The following CTTNBP2 variants were observed in gnomAD, a reference collection of about 807,000 sequenced individuals.
CTTNBP2 encodes cortactin-binding protein 2.
A neutral mutation model predicts 156.9 loss-of-function variants in CTTNBP2; 108 were observed. That is an observed-to-expected ratio of 0.69 (90% CI 0.59 to 0.81). CTTNBP2 has a LOEUF of 0.81. CTTNBP2 is among the 30% of genes least tolerant of loss of function. The probability of loss-of-function intolerance (pLI) is 0.00; values close to 1 mark genes in which losing one functional copy is unlikely to be tolerated. For synonymous variants in CTTNBP2, 767 were observed against 751.8 expected (o/e 1.02, Z -0.33); for missense variants, 1,924 against 2,035.4 (o/e 0.95, Z 1.05).
At chr7:117,818,135 C>T (rs931211853) in intron 2 of CTTNBP2, among the ~76,000 whole-genome samples, 6 of 152,254 alleles carry the variant, frequency 3.9e-5, no homozygotes, top group African/African-American at 1.4e-4. Flanking sequence ...TTTGTACTTC[C>T]ATTATTACTG....
At chr7:117,868,621 GTCA>G (rs1273886966) in intron 1 of CTTNBP2, among the ~76,000 whole-genome samples, 15 of 152,278 alleles carry the variant, frequency 9.9e-5, no homozygotes, top group African/African-American at 2.9e-4. Flanking sequence ...CAATATCGAT[GTCA>G]TCATCATCGT....
chr7:117,797,567 T>C (rs1476548176), intron 3 of CTTNBP2, among the ~76,000 whole-genome samples: 1 of 151,894 alleles, frequency 6.6e-6, no homozygotes, highest in East Asian at 1.9e-4. Context: ...TCATAATAAA[T>C]GAGGGGAAGG....
chr7:117,719,332 G>A (rs910234301), intron 21 of CTTNBP2, among the ~76,000 whole-genome samples, 172 bp downstream of exon 21: 1 of 152,224 alleles, frequency 6.6e-6, no homozygotes, highest in African/African-American at 2.4e-5. Flanking sequence ...CTCCTTTATT[G>A]TATAAATGAT....
intron 2 of CTTNBP2, among the ~76,000 whole-genome samples, chr7:117,841,347 C>T (rs1461972329): frequency 6.6e-6 from 1 of 151,974 alleles, no homozygotes; most frequent in South Asian, 2.1e-4. Context: ...AACTCATGGA[C>T]TACTTGGTAG....
intron 2 of CTTNBP2, among the ~76,000 whole-genome samples, chr7:117,818,851 G>A (rs903902058): frequency 4.6e-5 from 7 of 152,112 alleles, no homozygotes; most frequent in Admixed American, 2.6e-4. Context: ...TAAAATTATG[G>A]CTAATATAAT....
intron 7 of CTTNBP2, 140 bp from the exon 8 acceptor site, chr7:117,777,905 T>A (rs1798195117): frequency 9.2e-6 from 7 of 759,946 alleles, no homozygotes; most frequent in Non-Finnish European, 1.5e-5. Context: ...CTGAACATTA[T>A]CACTGATGAG....
intron 2 of CTTNBP2, among the ~76,000 whole-genome samples, chr7:117,819,362 C>CTG: frequency 7.4e-6 from 1 of 135,924 alleles, no homozygotes; most frequent in Non-Finnish European, 1.5e-5. Flanking sequence ...CTCCTTCTCT[C>CTG]TCTCTCACAC....
intron 8 of CTTNBP2, among the ~76,000 whole-genome samples, chr7:117,775,678 G>A (rs1420767222): frequency 2.0e-5 from 3 of 151,602 alleles, no homozygotes; most frequent in Admixed American, 1.3e-4. Context: ...TTAAAGGAGT[G>A]GAGGCAGGTT....
At chr7:117,779,983 T>G (rs958047641) in intron 7 of CTTNBP2, among the ~76,000 whole-genome samples, 4 of 152,064 alleles carry the variant, frequency 2.6e-5, no homozygotes, top group African/African-American at 9.7e-5. Flanking sequence ...TGGTCTTGAA[T>G]TCCTGACCTC....
intron 12 of CTTNBP2, among the ~76,000 whole-genome samples, chr7:117,750,303 T>G (rs2116587919): frequency 6.6e-6 from 1 of 152,328 alleles, no homozygotes; most frequent in East Asian, 1.9e-4. Context: ...CTTCATTTGT[T>G]CTCAGACTGT....
intron 2 of CTTNBP2, among the ~76,000 whole-genome samples, chr7:117,825,657 A>G (rs1452839491): frequency 1.3e-5 from 2 of 152,208 alleles, no homozygotes; most frequent in Non-Finnish European, 2.9e-5. Flanking sequence ...CTTCAAAGTT[A>G]TGCAAACTTG....
intron 7 of CTTNBP2, among the ~76,000 whole-genome samples, chr7:117,778,387 A>T (rs751509167): frequency 6.6e-6 from 1 of 152,200 alleles, no homozygotes; most frequent in Non-Finnish European, 1.5e-5. Context: ...AAATGTTTCA[A>T]CTAAAATTAT....
Position 117,734,933 on chromosome 7 carries a change from G to A in CTTNBP2, c.3856C>T (p.Arg1286Ter), listed in dbSNP as rs561305383. 2.1e-5 allele frequency: 34 copies of A among 1,598,404 alleles called. No homozygotes were observed. Among genetic ancestry groups the A allele is most frequent in the East Asian group, 1.8e-4 (8 of 44,502 alleles). Residue 1286 changes from arginine (R) to a stop codon, truncating the protein, a stop_gained, in exon 16 of 23, where the codon CGA becomes TGA. Coordinates refer to ENST00000160373, the MANE Select transcript of CTTNBP2 (RefSeq NM_033427.3). LOFTEE classifies it high-confidence loss of function. The part of the protein sequence containing the change: ...PMQGLLQRFL[R>*]RKVVNKFKGQ... ...GTTACCTTATTCACAACTTTCCTTC[G>A]TAAGAACCTCTGCAGCAGTCCTTGC...
chr7:117,780,121 G>A (rs113752839), intron 7 of CTTNBP2, among the ~76,000 whole-genome samples: 34 of 152,258 alleles, frequency 2.2e-4, no homozygotes, highest in African/African-American at 7.7e-4. Context: ...CAGGATCTGA[G>A]ACTATTATTT....
At chr7:117,872,844 C>G (rs1804712688) in intron 1 of CTTNBP2, among the ~76,000 whole-genome samples, 1 of 152,144 alleles carries the variant, frequency 6.6e-6, no homozygotes, top group Admixed American at 6.5e-5. Flanking sequence ...AATGGGCATC[C>G]CCACACCTGC....
In CTTNBP2 at chr7:117,711,595, G is replaced by A; in HGVS notation, c.4934C>T (p.Ser1645Leu). 1 of 1,613,856 alleles carries A rather than the reference G, an allele frequency of 6.2e-7. No homozygotes were observed. ...GTGTAAGTTCCAATTCACTTCTTTT[G>A]AGTTGTTGTTGATTTCTATTTGCCT... ...NTRQIEINNN[S>L]KEVNWNLHKN... Residue 1645 changes from serine to leucine, a missense_variant, in exon 23 of 23, where the codon TCA (serine) becomes TTA (leucine). Transcript: ENST00000160373.
chr7:117,795,792 T>C (rs1265082475), intron 3 of CTTNBP2, among the ~76,000 whole-genome samples: 1 of 152,240 alleles, frequency 6.6e-6, no homozygotes, highest in Non-Finnish European at 1.5e-5. Flanking sequence ...TTGTAAATCC[T>C]ATCTCAAACT....
chr7:117,749,022 T>G (rs1796486263), intron 12 of CTTNBP2, among the ~76,000 whole-genome samples: 1 of 152,202 alleles, frequency 6.6e-6, no homozygotes. Context: ...ATCTTGAACT[T>G]TCCACACCCT....
At chr7:117,716,297 G>T (rs1794372790) in intron 22 of CTTNBP2, among the ~76,000 whole-genome samples, 1 of 151,646 alleles carries the variant, frequency 6.6e-6, no homozygotes, top group Non-Finnish European at 1.5e-5. Flanking sequence ...AGAGAAATAG[G>T]GGTATGACAA....
Sources: allele counts gnomAD v4.1 joint callset (sites outside exome capture counted in the v4.1 genomes callset), GRCh38; gene constraint gnomAD v4.1.1; transcripts MANE v1.5; gene names NCBI Gene and HGNC (gene_info 2026-07-23, HGNC 2026-07-21).